SLC25A13: variants seen among roughly 807,000 people sequenced by gnomAD.
The protein encoded by SLC25A13 is electrogenic aspartate/glutamate antiporter SLC25A13, mitochondrial.
SLC25A13 carries 70 observed loss-of-function variants against 85.5 expected under a neutral mutation model. That is an observed-to-expected ratio of 0.82 (90% CI 0.68 to 1.00). SLC25A13 has a LOEUF of 1.00. SLC25A13 is among the 50% of genes least tolerant of loss of function. SLC25A13 has a pLI of 0.00. For missense variants in SLC25A13, 765 were observed against 819.8 expected, an observed-to-expected ratio of 0.93 and a Z score of 0.82; for synonymous variants, 259 against 288.7, an observed-to-expected ratio of 0.90 and a Z score of 1.04.
At chr7:96,133,953 T>C (rs141954603) in intron 14 of SLC25A13, among the ~76,000 whole-genome samples, 113 of 150,846 alleles carry the variant, frequency 7.5e-4, no homozygotes, top group African/African-American at 2.6e-3. Context: ...AAAATAAAAA[T>C]TAAAAAACAT....
At chr7:96,308,434 A>C (rs768950051) in intron 1 of SLC25A13, among the ~76,000 whole-genome samples, 11 of 152,234 alleles carry the variant, frequency 7.2e-5, no homozygotes, top group Non-Finnish European at 1.5e-4. Flanking sequence ...TTCAGGCTGA[A>C]TTAGCAGCAG....
chr7:96,287,146 C>T (rs1055150033), intron 2 of SLC25A13, among the ~76,000 whole-genome samples: 3 of 152,202 alleles, frequency 2.0e-5, no homozygotes, highest in African/African-American at 4.8e-5. Flanking sequence ...CTGTGTTTCC[C>T]GTTCTTCCCC....
chr7:96,173,186 AG>A (rs1282836458), intron 11 of SLC25A13, among the ~76,000 whole-genome samples: 1 of 152,262 alleles, frequency 6.6e-6, no homozygotes, highest in African/African-American at 2.4e-5. Flanking sequence ...GAAAAATGGG[AG>A]GAAGTCCTTC....
chr7:96,280,560 A>T (rs1287647192), intron 2 of SLC25A13, among the ~76,000 whole-genome samples: 1 of 152,090 alleles, frequency 6.6e-6, no homozygotes, highest in African/African-American at 2.4e-5. Context: ...TACAAAAAAT[A>T]AAAAATTAAC....
At chr7:96,121,794 T>G in intron 16 of SLC25A13, 45 bp downstream of exon 16, 1 of 1,613,968 alleles carries the variant, frequency 6.2e-7, no homozygotes, top group Non-Finnish European at 8.5e-7. Flanking sequence ...TTTTAAAAAT[T>G]TACCTGATAC....
intron 1 of SLC25A13, among the ~76,000 whole-genome samples, chr7:96,320,691 T>C (rs1800308594): frequency 6.6e-6 from 1 of 152,126 alleles, no homozygotes; most frequent in Admixed American, 6.5e-5. Context: ...AGTACTTTCC[T>C]AAGGATGAAA....
intron 3 of SLC25A13, among the ~76,000 whole-genome samples, chr7:96,270,413 G>C (rs1027235347): frequency 6.6e-6 from 1 of 152,058 alleles, no homozygotes; most frequent in African/African-American, 2.4e-5. Context: ...AAAATTAGTA[G>C]GGCACGGTGG....
chr7:96,121,744 A>G lies in SLC25A13; in HGVS notation c.1752T>C (p.Ala584=), dbSNP rs774049761. The G allele has an allele frequency of 5.6e-6, 9 of 1,614,218 alleles. No homozygotes were observed. Among genetic ancestry groups the G allele is most frequent in the Non-Finnish European group, 7.6e-6 (9 of 1,180,040 alleles). ...GPKALWKGAG[A]RVFRSSPQFG... ...ACTGGGGTGAGGATCGAAATACACG[A>G]GCTTTAAAAAAATGGAGAAATCACA... The change falls in exon 17 of 18, where the codon GCT becomes GCC. Residue 584 remains alanine (A), a splice_region_variant and synonymous_variant. Coordinates refer to ENST00000265631, the MANE Select transcript of SLC25A13 (RefSeq NM_014251.3).
intron 14 of SLC25A13, among the ~76,000 whole-genome samples, chr7:96,139,966 T>G: frequency 1.2e-5 from 1 of 82,058 alleles, no homozygotes; most frequent in South Asian, 4.9e-4. Flanking sequence ...TTTTTTTTTT[T>G]TTTTTTTTTT....
chr7:96,272,549 C>G (rs1317343217), intron 3 of SLC25A13, among the ~76,000 whole-genome samples: 1 of 152,084 alleles, frequency 6.6e-6, no homozygotes, highest in Non-Finnish European at 1.5e-5. Flanking sequence ...ATTTCCAGGT[C>G]AAAGGCAGGA....
intron 1 of SLC25A13, among the ~76,000 whole-genome samples, chr7:96,297,877 G>C (rs934709336): frequency 3.3e-5 from 5 of 152,178 alleles, no homozygotes; most frequent in African/African-American, 1.2e-4. Context: ...AAAATTGACA[G>C]ATTAGCTCAG....
At chr7:96,190,391 T>A (rs74416514) in intron 7 of SLC25A13, among the ~76,000 whole-genome samples, 4,477 of 151,630 alleles carry the variant, frequency 0.03, 217 homozygotes, top group African/African-American at 0.1. Flanking sequence ...GCACCGGCTC[T>A]GATTTTTTTT....
rs1046890184 is a variant in SLC25A13 at position 96,193,171 on chromosome 7, C to G, written c.481G>C (p.Glu161Gln). 6.2e-7 allele frequency: 1 copy of G among 1,613,764 alleles called. No individual in the cohort carries two copies. Among genetic ancestry groups the G allele is most frequent in the Non-Finnish European group, 8.5e-7 (1 of 1,179,912 alleles). Reference protein sequence around the residue: ...FTQFLLEIQLEHAKQAFVQRD... With the variant: ...FTQFLLEIQLQHAKQAFVQRD... ...TGCACAAAGGCTTGCTTTGCGTGCTCCAGTTGTATTTCCTACAAATAAAGA... is the reference window on the plus strand; with the variant it reads ...TGCACAAAGGCTTGCTTTGCGTGCTGCAGTTGTATTTCCTACAAATAAAGA... The change falls in exon 6 of 18, where the codon GAG becomes CAG. Residue 161 changes from glutamate (E) to glutamine (Q), a missense_variant. Physicochemically the swap from Glu to Gln is conservative, Grantham distance 29. Coordinates refer to ENST00000265631, the MANE Select transcript of SLC25A13 (RefSeq NM_014251.3).
chr7:96,252,123 T>C (rs1199180675), intron 3 of SLC25A13, among the ~76,000 whole-genome samples: 1 of 152,252 alleles, frequency 6.6e-6, no homozygotes, highest in Non-Finnish European at 1.5e-5. Flanking sequence ...GAGTCCAGAC[T>C]TATTTACTGG....
intron 5 of SLC25A13, among the ~76,000 whole-genome samples, chr7:96,197,963 T>C (rs757867390): frequency 3.9e-5 from 6 of 152,138 alleles, no homozygotes; most frequent in South Asian, 2.1e-4. Flanking sequence ...CTTTAACCTA[T>C]AGAACTATTC....
rs59571646 is a variant in SLC25A13 at position 96,209,353 on chromosome 7, T to TACACACACACACACAC, written c.329-392_329-377dup. Among the ~76,000 whole-genome samples, 79 of 145,540 alleles carry TACACACACACACACAC rather than the reference T, an allele frequency of 5.4e-4. 1 individual carries two copies. The highest frequency in any genetic ancestry group is 3.2e-3 in the East Asian group (16 of 4,938). On this transcript the variant is annotated intron_variant, in intron 4 of 17. Coordinates refer to ENST00000265631, the MANE Select transcript of SLC25A13 (RefSeq NM_014251.3). ...TCAATCTTAGTGGCAGGAAAACACA[T>TACACACACACACACAC]ACACACACACACACACACACACACA...
chr7:96,263,026 G>GAAAAAAAAAA (rs5885951), intron 3 of SLC25A13, among the ~76,000 whole-genome samples: 2 of 133,280 alleles, frequency 1.5e-5, no homozygotes, highest in Non-Finnish European at 3.2e-5. Flanking sequence ...AACCATCTAG[G>GAAAAAAAAAA]AAAAAAAAAA....
intron 13 of SLC25A13, among the ~76,000 whole-genome samples, chr7:96,159,934 T>C (rs1793443347): frequency 6.6e-6 from 1 of 152,222 alleles, no homozygotes; most frequent in South Asian, 2.1e-4. Context: ...GGGGTTTTAA[T>C]GGGCCCATAG....
In SLC25A13 at chr7:96,151,650, G is replaced by T. The variant is rs1295209770; in HGVS notation, c.1312-4954C>A. Reference sequence around the variant, plus strand: ...CATAATATTATAAGGTAAGTAATAAGATAAATAATAGGTCGGGTGCAGTGA... The same window carrying T: ...CATAATATTATAAGGTAAGTAATAATATAAATAATAGGTCGGGTGCAGTGA... On this transcript the variant is annotated intron_variant, in intron 13 of 17. Coordinates refer to ENST00000265631, the MANE Select transcript of SLC25A13 (RefSeq NM_014251.3). 1.0e-4 allele frequency among the ~76,000 whole-genome samples: 15 copies of T among 149,276 alleles called. No homozygotes were observed. In the East Asian group the frequency reaches 3.0e-3, roughly 30 times the overall value.
Sources: allele counts gnomAD v4.1 joint callset (sites outside exome capture counted in the v4.1 genomes callset), GRCh38; gene constraint gnomAD v4.1.1; transcripts MANE v1.5; gene names NCBI Gene and HGNC (gene_info 2026-07-23, HGNC 2026-07-21).